ZNF670: variants seen among roughly 807,000 people sequenced by gnomAD.
The protein encoded by ZNF670 is zinc finger protein 670.
ZNF670 carries 7 observed loss-of-function variants against 10.9 expected under a neutral mutation model. That is an observed-to-expected ratio of 0.64 (90% CI 0.36 to 1.20). The LOEUF (loss-of-function observed/expected upper bound fraction) is 1.20, where lower values mean the gene tolerates loss of function less well. Among genes scored for constraint, ZNF670 ranks in the 50% most tolerant of loss-of-function variants. ZNF670 has a pLI of 0.02. For synonymous variants in ZNF670, 136 were observed against 152.7 expected, an observed-to-expected ratio of 0.89 and a Z score of 0.81; for missense variants, 446 against 458.6, an observed-to-expected ratio of 0.97 and a Z score of 0.25.
chr1:247,072,191 C>T (rs938505226), intron 1 of ZNF670, among the ~76,000 whole-genome samples: 11 of 151,940 alleles, frequency 7.2e-5, no homozygotes, highest in Admixed American at 5.3e-4. Context: ...CACTATGTTG[C>T]CCAGGCTAAA....
intron 3 of ZNF670, 111 bp downstream of exon 3, chr1:247,038,688 GCTAAGACTTTT>G: frequency 1.2e-6 from 1 of 847,484 alleles, no homozygotes; most frequent in Non-Finnish European, 1.8e-6. Context: ...TGTATTTTTT[GCTAAGACTTTT>G]CTGGAAAAAA....
intron 1 of ZNF670, among the ~76,000 whole-genome samples, chr1:247,065,494 A>G (rs1163037913): frequency 1.3e-5 from 2 of 152,256 alleles, no homozygotes; most frequent in African/African-American, 2.4e-5. Context: ...CAATTCTACT[A>G]AAATTAAGAA....
At chr1:247,067,829 G>A (rs1479978395) in intron 1 of ZNF670, among the ~76,000 whole-genome samples, 5 of 94,526 alleles carry the variant, frequency 5.3e-5, no homozygotes, top group African/African-American at 1.3e-4. Context: ...GCGACAGAGC[G>A]AGACTCCGTC....
intron 1 of ZNF670, among the ~76,000 whole-genome samples, chr1:247,059,298 T>C (rs2103064697): frequency 6.6e-6 from 1 of 151,270 alleles, no homozygotes; most frequent in Admixed American, 6.6e-5. Context: ...AAAAAAAAAT[T>C]AGCCGGGCGT....
chr1:247,073,444 A>G (rs537007561), intron 1 of ZNF670, among the ~76,000 whole-genome samples: 2 of 152,278 alleles, frequency 1.3e-5, no homozygotes, highest in South Asian at 4.2e-4. Flanking sequence ...ATACAGCCCA[A>G]GGTGGTTCAT....
intron 1 of ZNF670, among the ~76,000 whole-genome samples, chr1:247,063,292 G>A (rs1402513138): frequency 1.3e-5 from 2 of 152,170 alleles, no homozygotes. Context: ...GGAAACTGAA[G>A]GCCAGGCGCG....
rs963886552 is a variant in ZNF670 at position 247,036,994 on chromosome 1, A to G, written c.*455T>C. 5.1e-5 allele frequency: 8 copies of G among 155,552 alleles called. No individual in the cohort carries two copies. The highest frequency in any genetic ancestry group is 1.9e-4 in the Admixed American group (3 of 15,864). 9.6% of individuals were successfully genotyped at this position (155,552 alleles called of 1,614,324 possible). A position where few individuals can be genotyped will look rare whatever the true frequency, so the allele number is the denominator to read the frequency against. ...TGCCTACTATTAGAAATACATTTCA[A>G]CTTAGTCTAGGGATCCAACAAATTT... is the stretch of plus-strand genomic sequence containing the variant. On this transcript the variant is annotated 3_prime_UTR_variant, in exon 4 of 4. Coordinates refer to ENST00000366503, the MANE Select transcript of ZNF670 (RefSeq NM_033213.5).
intron 1 of ZNF670, among the ~76,000 whole-genome samples, chr1:247,060,971 A>G (rs1244290387): frequency 6.6e-6 from 1 of 152,136 alleles, no homozygotes; most frequent in Non-Finnish European, 1.5e-5. Context: ...CTGACCATGC[A>G]TTTGTTTTAT....
chr1:247,038,795 G>C lies in ZNF670; in HGVS notation c.191+15C>G, dbSNP rs757895787. 1 of 1,605,526 alleles carries C rather than the reference G, an allele frequency of 6.2e-7. No homozygotes were observed. The highest frequency in any genetic ancestry group is 1.1e-5 in the South Asian group (1 of 90,288). On this transcript the variant is annotated intron_variant, in intron 3 of 3. Transcript: ENST00000366503. ...TCCCTCAAGGGGCATTTTTGCTCTT[G>C]TGAATGCAAATTACCTTAGATTTCT...
At chr1:247,076,104 G>C (rs1671244682) in intron 1 of ZNF670, among the ~76,000 whole-genome samples, 4 of 152,046 alleles carry the variant, frequency 2.6e-5, no homozygotes, top group Non-Finnish European at 4.4e-5. Flanking sequence ...ACTCAGGGAG[G>C]GGTCATGCTG....
At chr1:247,071,065 T>C (rs1200759482) in intron 1 of ZNF670, among the ~76,000 whole-genome samples, 1 of 152,182 alleles carries the variant, frequency 6.6e-6, no homozygotes, top group East Asian at 1.9e-4. Context: ...TTTGGAGATT[T>C]CTCAAAGACC....
At chr1:247,053,423 G>A (rs1014701055) in intron 1 of ZNF670, among the ~76,000 whole-genome samples, 9 of 152,164 alleles carry the variant, frequency 5.9e-5, no homozygotes, top group African/African-American at 2.2e-4. Context: ...ACGAGGTCAG[G>A]AGATAAGAGA....
chr1:247,051,330 T>G (rs1392345407), intron 1 of ZNF670, among the ~76,000 whole-genome samples: 1 of 152,164 alleles, frequency 6.6e-6, no homozygotes, highest in African/African-American at 2.4e-5. Context: ...GAGTTCTCAG[T>G]ATTTGCTTGT....
At chr1:247,077,772 T>G (rs553527844) in intron 1 of ZNF670, among the ~76,000 whole-genome samples, 262 of 152,340 alleles carry the variant, frequency 1.7e-3, no homozygotes, top group African/African-American at 6.0e-3. Flanking sequence ...TGATGTGAGA[T>G]CCTGTTGCCA....
intron 1 of ZNF670, among the ~76,000 whole-genome samples, chr1:247,051,794 T>G (rs3078789): frequency 0.1 from 15,258 of 150,918 alleles, 887 homozygotes; most frequent in South Asian, 0.19. Flanking sequence ...TTTTTTTTTT[T>G]TTTTGTTTTG....
Position 247,038,188 on chromosome 1 carries a change from T to G in ZNF670, c.431A>C (p.Lys144Thr). 1 of 1,614,160 alleles carries G rather than the reference T, an allele frequency of 6.2e-7. No homozygotes were observed. The highest frequency in any genetic ancestry group is 8.5e-7 in the Non-Finnish European group (1 of 1,180,014). Reference protein sequence around the residue: ...EECPEKLYHCKQCGKAFISLT... With the variant: ...EECPEKLYHCTQCGKAFISLT... ...AGAGATAAAGGCTTTCCCACATTGT[T>G]TGCAATGATATAACTTCTCTGGACA... The change falls in exon 4 of 4, where the codon AAA (lysine) becomes ACA (threonine). Residue 144 changes from lysine (K) to threonine (T), a missense_variant. By Grantham distance (78) the Lys-to-Thr change is moderately conservative (BLOSUM62 -1). Transcript: ENST00000366503.
chr1:247,044,177 A>T (rs1378961767), intron 1 of ZNF670, among the ~76,000 whole-genome samples: 1 of 152,170 alleles, frequency 6.6e-6, no homozygotes, highest in Non-Finnish European at 1.5e-5. Context: ...ATTTATGTTG[A>T]AAAGATTTCC....
chr1:247,064,828 T>G (rs1031393740), intron 1 of ZNF670, among the ~76,000 whole-genome samples: 2 of 152,142 alleles, frequency 1.3e-5, no homozygotes, highest in Non-Finnish European at 2.9e-5. Context: ...TATTTTTGAC[T>G]GGGTCTCACT....
intron 1 of ZNF670, among the ~76,000 whole-genome samples, chr1:247,050,231 G>A (rs1670558870): frequency 6.6e-6 from 1 of 152,188 alleles, no homozygotes; most frequent in Non-Finnish European, 1.5e-5. Flanking sequence ...ACTTAAGACT[G>A]TGATATTTTC....
Sources: allele counts gnomAD v4.1 joint callset (sites outside exome capture counted in the v4.1 genomes callset), GRCh38; gene constraint gnomAD v4.1.1; transcripts MANE v1.5; gene names NCBI Gene and HGNC (gene_info 2026-07-23, HGNC 2026-07-21).